The following MAGI2 variants were observed in gnomAD, a reference collection of about 807,000 sequenced individuals.
MAGI2 encodes membrane associated guanylate kinase, WW and PDZ domain containing 2, also known as membrane-associated guanylate kinase, WW and PDZ domain-containing protein 2.
MAGI2 carries 35 observed loss-of-function variants against 133.3 expected under a neutral mutation model. The ratio of observed to expected loss-of-function variants is 0.26; its 90% CI spans 0.20 to 0.35. MAGI2 has a LOEUF of 0.35. Among genes scored for constraint, MAGI2 ranks in the 10% least tolerant of loss-of-function variants. MAGI2 has a pLI of 1.00. For synonymous variants in MAGI2, 729 were observed against 710.6 expected, an observed-to-expected ratio of 1.03 and a Z score of -0.41; for missense variants, 1,636 against 1,863.4, an observed-to-expected ratio of 0.88 and a Z score of 2.25.
chr7:78,109,105 C>T (rs1293719741), intron 20 of MAGI2, among the ~76,000 whole-genome samples: 2 of 150,650 alleles, frequency 1.3e-5, no homozygotes, highest in African/African-American at 4.9e-5. Context: ...GAGATTGAGA[C>T]CATCCTGGCT....
At chr7:79,062,952 T>C (rs538280213) in intron 1 of MAGI2, among the ~76,000 whole-genome samples, 39 of 152,130 alleles carry the variant, frequency 2.6e-4, no homozygotes, top group African/African-American at 8.7e-4. Flanking sequence ...GATTCAACTA[T>C]TTTTTTGCTT....
intron 2 of MAGI2, among the ~76,000 whole-genome samples, chr7:78,724,392 C>A (rs187507947): frequency 6.6e-6 from 1 of 152,274 alleles, no homozygotes; most frequent in East Asian, 1.9e-4. Flanking sequence ...CAAGGGATTT[C>A]CAGCACCTAT....
At chr7:79,126,657 T>C (rs1369714573) in intron 1 of MAGI2, among the ~76,000 whole-genome samples, 1 of 152,112 alleles carries the variant, frequency 6.6e-6, no homozygotes, top group Non-Finnish European at 1.5e-5. Context: ...CATAGGTGCC[T>C]GAAAGAGTTC....
chr7:78,916,451 G>C (rs1181784392), intron 2 of MAGI2, among the ~76,000 whole-genome samples: 1 of 152,036 alleles, frequency 6.6e-6, no homozygotes, highest in Admixed American at 6.6e-5. Flanking sequence ...CAGAAGACCA[G>C]TGTATTTCTT....
intron 21 of MAGI2, among the ~76,000 whole-genome samples, chr7:78,037,718 T>C (rs561614096): frequency 2.0e-5 from 3 of 152,236 alleles, no homozygotes; most frequent in Admixed American, 1.3e-4. Flanking sequence ...GATGCAAATG[T>C]GGAAAAACCC....
intron 2 of MAGI2, among the ~76,000 whole-genome samples, chr7:78,897,372 G>A (rs1797291530): frequency 6.6e-6 from 1 of 152,104 alleles, no homozygotes; most frequent in African/African-American, 2.4e-5. Flanking sequence ...GTTCTTAGAA[G>A]GTTTCTTACC....
At chr7:79,429,788 ACT>A (rs1197119828) in intron 1 of MAGI2, among the ~76,000 whole-genome samples, 2 of 152,080 alleles carry the variant, frequency 1.3e-5, no homozygotes, top group Non-Finnish European at 2.9e-5. Flanking sequence ...ATTAAAACTG[ACT>A]CTTTTCTAAT....
chr7:78,775,430 G>T (rs1312877474), intron 2 of MAGI2, among the ~76,000 whole-genome samples: 1 of 147,290 alleles, frequency 6.8e-6, no homozygotes, highest in African/African-American at 2.5e-5. Context: ...TACATAGAGA[G>T]TTCTATACAT....
chr7:78,992,157 C>A (rs1391585633), intron 2 of MAGI2, among the ~76,000 whole-genome samples: 1 of 152,048 alleles, frequency 6.6e-6, no homozygotes, highest in Non-Finnish European at 1.5e-5. Flanking sequence ...AGTCTTGAGG[C>A]TGGCTATAGA....
chr7:79,143,876 C>G (rs1047184308), intron 1 of MAGI2, among the ~76,000 whole-genome samples: 1 of 151,890 alleles, frequency 6.6e-6, no homozygotes, highest in Non-Finnish European at 1.5e-5. Flanking sequence ...TTATATGAAA[C>G]TATTAAGTCA....
intron 6 of MAGI2, among the ~76,000 whole-genome samples, chr7:78,449,025 A>T (rs563823037): frequency 6.6e-6 from 1 of 152,154 alleles, no homozygotes; most frequent in African/African-American, 2.4e-5. Context: ...CAGTCACTCA[A>T]TCTGATGGTT....
At chr7:79,127,135 C>CT (rs1319407927) in intron 1 of MAGI2, among the ~76,000 whole-genome samples, 1 of 151,996 alleles carries the variant, frequency 6.6e-6, no homozygotes, top group Non-Finnish European at 1.5e-5. Flanking sequence ...TGAACTCATC[C>CT]TTTTTTATGG....
intron 3 of MAGI2, among the ~76,000 whole-genome samples, chr7:78,567,393 TACACACAC>T (rs34795351): frequency 4.7e-5 from 7 of 148,136 alleles, no homozygotes; most frequent in African/African-American, 1.5e-4. Flanking sequence ...GCCTACACAC[TACACACAC>T]ACACACACAC....
chr7:78,023,999 C>G (rs919578283), intron 21 of MAGI2, among the ~76,000 whole-genome samples: 2 of 152,162 alleles, frequency 1.3e-5, no homozygotes, highest in African/African-American at 4.8e-5. Context: ...AAATACTATA[C>G]CAGTTCATAT....
chr7:78,253,962 G>A (rs1329465692), intron 10 of MAGI2: 1 of 152,118 alleles, frequency 6.6e-6, no homozygotes, highest in East Asian at 1.9e-4. Flanking sequence ...TCAGAGAGAT[G>A]AGTATAAATT....
intron 6 of MAGI2, among the ~76,000 whole-genome samples, chr7:78,453,410 A>C (rs1788941745): frequency 6.6e-6 from 1 of 152,170 alleles, no homozygotes; most frequent in African/African-American, 2.4e-5. Flanking sequence ...GGCTCTTGGC[A>C]TTAGGTACCT....
intron 3 of MAGI2, among the ~76,000 whole-genome samples, chr7:78,547,884 T>C (rs1798994746): frequency 6.6e-6 from 1 of 152,224 alleles, no homozygotes; most frequent in Admixed American, 6.5e-5. Flanking sequence ...AATGACCTGC[T>C]ATATTCCCAA....
intron 1 of MAGI2, among the ~76,000 whole-genome samples, chr7:79,126,926 A>G (rs888904660): frequency 6.6e-6 from 1 of 151,782 alleles, no homozygotes; most frequent in African/African-American, 2.4e-5. Context: ...CATTAGGTAT[A>G]TCTCCTAATG....
chr7:78,068,560 C>T (rs1014939288), intron 21 of MAGI2, among the ~76,000 whole-genome samples: 2 of 152,110 alleles, frequency 1.3e-5, no homozygotes, highest in Non-Finnish European at 2.9e-5. Flanking sequence ...ATCTCTGTGC[C>T]TTTCTCTCAA....
Sources: gnomAD v4.1 joint callset for allele counts (sites outside exome capture counted in the v4.1 genomes callset) on GRCh38, gnomAD v4.1.1 for gene constraint, MANE v1.5 for transcripts, NCBI Gene and HGNC (gene_info 2026-07-23, HGNC 2026-07-21) for gene names.